The following NRIP1 variants were observed in gnomAD, a reference collection of about 807,000 sequenced individuals.
NRIP1 encodes nuclear receptor interacting protein 1.
Under a neutral mutation model 75.0 loss-of-function variants are expected in NRIP1, and 28 were observed. The ratio of observed to expected loss-of-function variants is 0.37; its 90% CI spans 0.28 to 0.51. NRIP1 has a LOEUF of 0.51. Among genes scored for constraint, NRIP1 ranks in the 20% least tolerant of loss-of-function variants. The probability of loss-of-function intolerance (pLI) is 0.92; values close to 1 mark genes in which losing one functional copy is unlikely to be tolerated. For synonymous variants in NRIP1, 526 were observed against 487.6 expected, an observed-to-expected ratio of 1.08 and a Z score of -1.04; for missense variants, 1,435 against 1,343.7, an observed-to-expected ratio of 1.07 and a Z score of -1.06.
chr21:14,981,522 A>G (rs149635030), intron 3 of NRIP1, among the ~76,000 whole-genome samples: 1 of 152,286 alleles, frequency 6.6e-6, no homozygotes, highest in East Asian at 1.9e-4. Flanking sequence ...GAGACTCAGG[A>G]GGCTTTAGAG....
At chr21:15,045,412 T>C (rs115877131) in intron 1 of NRIP1, among the ~76,000 whole-genome samples, 1 of 152,344 alleles carries the variant, frequency 6.6e-6, no homozygotes, top group African/African-American at 2.4e-5. Flanking sequence ...CACTGTACTA[T>C]AGTCTATTAA....
At chr21:15,015,900 AG>A (rs1444574238) in intron 2 of NRIP1, among the ~76,000 whole-genome samples, 1 of 152,222 alleles carries the variant, frequency 6.6e-6, no homozygotes, top group African/African-American at 2.4e-5. Context: ...TGATGCAAAT[AG>A]GAAAAAATCT....
chr21:14,985,285 T>C (rs2087364572), intron 3 of NRIP1, among the ~76,000 whole-genome samples: 1 of 152,210 alleles, frequency 6.6e-6, no homozygotes, highest in Non-Finnish European at 1.5e-5. Flanking sequence ...AATAGGAGAA[T>C]TAAAATGATA....
intron 1 of NRIP1, among the ~76,000 whole-genome samples, chr21:15,059,952 T>C (rs1291794034): frequency 6.6e-6 from 1 of 152,178 alleles, no homozygotes; most frequent in African/African-American, 2.4e-5. Context: ...ACATTTATTT[T>C]CAACTCTTTC....
chr21:15,045,682 A>G (rs1326822894), intron 1 of NRIP1, among the ~76,000 whole-genome samples: 2 of 152,250 alleles, frequency 1.3e-5, no homozygotes, highest in Non-Finnish European at 2.9e-5. Flanking sequence ...AATTCTCTGT[A>G]GCATGTAATG....
At chr21:14,989,269 A>C (rs2087501022) in intron 3 of NRIP1, among the ~76,000 whole-genome samples, 1 of 152,172 alleles carries the variant, frequency 6.6e-6, no homozygotes, top group South Asian at 2.1e-4. Flanking sequence ...TGAATTTCAA[A>C]TGGGGAAAGC....
At chr21:15,051,188 G>A (rs59640741) in intron 1 of NRIP1, 2 of 285,638 alleles carry the variant, frequency 7.0e-6, no homozygotes, top group East Asian at 8.9e-5. Context: ...GAACTCATGA[G>A]TATAATAAAC....
chr21:14,995,282 C>T (rs1846457641), intron 3 of NRIP1, among the ~76,000 whole-genome samples: 1 of 152,174 alleles, frequency 6.6e-6, no homozygotes, highest in Admixed American at 6.5e-5. Context: ...AATTAAGTCT[C>T]AGTTTCTTCA....
chr21:14,978,277 G>A (rs2087132715), intron 3 of NRIP1, among the ~76,000 whole-genome samples: 1 of 152,154 alleles, frequency 6.6e-6, no homozygotes, highest in African/African-American at 2.4e-5. Flanking sequence ...TATAGCTGAT[G>A]AAAATGACAA....
Position 15,035,710 on chromosome 21 carries a change from C to A in NRIP1, c.-458+7785G>T, listed in dbSNP as rs75584236. 0.012 allele frequency among the ~76,000 whole-genome samples: 1,855 copies of A among 152,072 alleles called. 200 individuals are homozygous for A. In the East Asian group the frequency reaches 0.26, roughly 21 times the overall value. On this transcript the variant is annotated intron_variant, in intron 2 of 3. Coordinates refer to ENST00000318948, the MANE Select transcript of NRIP1 (RefSeq NM_003489.4). ...TAGCTGGGATTACAGTTGTGTGCCA[C>A]CATGGCCGGTTGATTTTTTGTATTT...
chr21:15,041,986 TA>T (rs2088965601), intron 2 of NRIP1, among the ~76,000 whole-genome samples: 5 of 152,186 alleles, frequency 3.3e-5, no homozygotes, highest in African/African-American at 1.2e-4. Context: ...AGAGGAAGAA[TA>T]TGCTGGTTTG....
chr21:15,031,197 G>T, intron 2 of NRIP1, among the ~76,000 whole-genome samples: 1 of 144,254 alleles, frequency 6.9e-6, no homozygotes, highest in Non-Finnish European at 1.5e-5. Flanking sequence ...GCGTTCAGAG[G>T]TTCACCACAT....
chr21:15,056,154 C>A (rs1323374343), intron 1 of NRIP1, among the ~76,000 whole-genome samples: 2 of 151,974 alleles, frequency 1.3e-5, no homozygotes, highest in African/African-American at 4.8e-5. Context: ...GGGGGGAGGA[C>A]AAGGTGCCTC....
intron 1 of NRIP1, among the ~76,000 whole-genome samples, chr21:15,062,676 C>T (rs1458084566): frequency 6.6e-6 from 1 of 152,184 alleles, no homozygotes; most frequent in African/African-American, 2.4e-5. Context: ...ACTTCTTAAT[C>T]ATTTTCGACT....
chr21:15,064,474 G>A (rs945635565), intron 1 of NRIP1, among the ~76,000 whole-genome samples: 18 of 152,172 alleles, frequency 1.2e-4, no homozygotes, highest in African/African-American at 4.3e-4. Context: ...CGCGACGGCC[G>A]CCCCCTTGCC....
chr21:15,016,158 T>G (rs1600873389), intron 2 of NRIP1, among the ~76,000 whole-genome samples: 1 of 152,354 alleles, frequency 6.6e-6, no homozygotes, highest in African/African-American at 2.4e-5. Context: ...TTCCATTTCA[T>G]AGAGGAGCAA....
At chr21:15,037,702 G>T (rs1373960267) in intron 2 of NRIP1, among the ~76,000 whole-genome samples, 1 of 152,068 alleles carries the variant, frequency 6.6e-6, no homozygotes, top group Non-Finnish European at 1.5e-5. Context: ...AAATAATGTG[G>T]CAGAATAAGA....
intron 2 of NRIP1, among the ~76,000 whole-genome samples, chr21:15,029,665 T>C (rs189094942): frequency 3.3e-5 from 5 of 152,120 alleles, no homozygotes; most frequent in Admixed American, 3.3e-4. Context: ...TCAATAAATA[T>C]GACTGGGTAG....
chr21:14,970,515 C>A (rs2086873495), intron 3 of NRIP1, among the ~76,000 whole-genome samples: 1 of 152,162 alleles, frequency 6.6e-6, no homozygotes, highest in Admixed American at 6.5e-5. Context: ...CACTGCACTC[C>A]AGCCTGGGTG....
Sources: gnomAD v4.1 joint callset for allele counts (sites outside exome capture counted in the v4.1 genomes callset) on GRCh38, gnomAD v4.1.1 for gene constraint, MANE v1.5 for transcripts, NCBI Gene and HGNC (gene_info 2026-07-23, HGNC 2026-07-21) for gene names.